ZDHHC9: variants seen among roughly 807,000 people sequenced by gnomAD.
ZDHHC9 encodes palmitoyltransferase ZDHHC9.
A neutral mutation model predicts 26.6 loss-of-function variants in ZDHHC9; 3 were observed. That is an observed-to-expected ratio of 0.11 (90% CI 0.05 to 0.29). The LOEUF (loss-of-function observed/expected upper bound fraction) is 0.29. Ranked by LOEUF, ZDHHC9 falls within the 10% of genes least tolerant of loss-of-function variation. The pLI is 1.00. For missense variants in ZDHHC9, 146 were observed against 296.4 expected, an observed-to-expected ratio of 0.49 and a Z score of 3.73; for synonymous variants, 111 against 109.4, an observed-to-expected ratio of 1.01 and a Z score of -0.09.
In ZDHHC9 at chrX:129,842,198, G is replaced by A. The variant is rs145247896; in HGVS notation, c.-135-118C>T. ...ACTGAAGGGGTGGGGACGGGGAAGT[G>A]GGAAAAGTTTATTTCCAATTCGTGT... On this transcript the variant is annotated intron_variant, in intron 2 of 10. Transcript: ENST00000357166. 542 of 407,765 alleles carry A rather than the reference G, an allele frequency of 1.3e-3. 3 individuals are homozygous for A. In the East Asian group the frequency reaches 0.02, roughly 15 times the overall value. The allele number at this position is 407,765 out of a possible 1,213,427, so 33.6% of individuals were successfully genotyped here. A position where few individuals can be genotyped will look rare whatever the true frequency, so the allele number is the denominator to read the frequency against.
At chrX:129,819,975 G>A (rs752662385) in intron 5 of ZDHHC9, among the ~76,000 whole-genome samples, 1 of 111,277 alleles carries the variant, frequency 9.0e-6, no homozygotes, top group African/African-American at 3.3e-5. Flanking sequence ...GGGATTACAG[G>A]AGTGAGCCAC....
chrX:129,808,684 T>C (rs1927571258), intron 10 of ZDHHC9, among the ~76,000 whole-genome samples: 1 of 111,379 alleles, frequency 9.0e-6, no homozygotes, highest in Non-Finnish European at 1.9e-5. Flanking sequence ...CACCAAAAAG[T>C]ACAAACAACA....
chrX:129,806,854 C>T (rs1312814646), intron 10 of ZDHHC9, among the ~76,000 whole-genome samples: 1 of 111,794 alleles, frequency 8.9e-6, no homozygotes, highest in African/African-American at 3.3e-5. Context: ...TGCCCGAACA[C>T]ACAGCTCATT....
intron 5 of ZDHHC9, among the ~76,000 whole-genome samples, chrX:129,816,331 G>T (rs1439355089): frequency 2.7e-5 from 3 of 110,978 alleles, no homozygotes; most frequent in African/African-American, 9.8e-5. Flanking sequence ...TGGTATTCAA[G>T]GGCAATCCCT....
chrX:129,817,102 T>C (rs891011701), intron 5 of ZDHHC9, among the ~76,000 whole-genome samples: 1 of 111,089 alleles, frequency 9.0e-6, no homozygotes, highest in Non-Finnish European at 1.9e-5. Context: ...CTCGAACTCC[T>C]GACCTCAGGT....
chrX:129,818,331 A>C (rs767047320), intron 5 of ZDHHC9, among the ~76,000 whole-genome samples: 1 of 111,766 alleles, frequency 8.9e-6, no homozygotes, highest in Non-Finnish European at 1.9e-5. Flanking sequence ...AGTCTGAGGT[A>C]TTTTGTTATG....
At chrX:129,820,429 A>G in intron 5 of ZDHHC9, among the ~76,000 whole-genome samples, 1 of 94,554 alleles carries the variant, frequency 1.1e-5, no homozygotes, top group Admixed American at 1.0e-4. Context: ...AAAATACAAA[A>G]AAAAAAAAAA....
chrX:129,841,352 C>G (rs1271722025), intron 3 of ZDHHC9, among the ~76,000 whole-genome samples: 2 of 112,107 alleles, frequency 1.8e-5, no homozygotes, highest in African/African-American at 6.5e-5. Context: ...ACTGTACCAG[C>G]TAGCTGAGAG....
chrX:129,811,561 A>G (rs752212653), intron 8 of ZDHHC9, 52 bp from the exon 9 acceptor site: 4 of 896,745 alleles, frequency 4.5e-6, no homozygotes, highest in Non-Finnish European at 6.3e-6. Context: ...AAATGAACAA[A>G]TAATAATAAT....
At chrX:129,828,349 G>A (rs1352572985) in intron 4 of ZDHHC9, among the ~76,000 whole-genome samples, 1 of 110,993 alleles carries the variant, frequency 9.0e-6, no homozygotes, top group Non-Finnish European at 1.9e-5. Flanking sequence ...CTGGCCAGGT[G>A]TGGTGGCTCA....
intron 10 of ZDHHC9, among the ~76,000 whole-genome samples, chrX:129,807,173 G>A (rs910649282): frequency 1.2e-4 from 13 of 112,497 alleles, no homozygotes; most frequent in East Asian, 5.5e-4. Context: ...CTGGCCGGGC[G>A]CGGTGGCTCA....
intron 10 of ZDHHC9, among the ~76,000 whole-genome samples, chrX:129,810,218 G>A (rs1392805299): frequency 5.8e-5 from 6 of 104,296 alleles, no homozygotes; most frequent in Non-Finnish European, 9.8e-5. Flanking sequence ...GCATGGTGGC[G>A]GGCGCCTGTA....
chrX:129,805,177 G>A lies in ZDHHC9; in HGVS notation c.*1193C>T, dbSNP rs1927483811. 1 of 112,708 alleles carries A rather than the reference G, an allele frequency of 8.9e-6. No individual in the cohort carries two copies. The highest frequency in any genetic ancestry group is 1.9e-5 in the Non-Finnish European group (1 of 53,261). 9.3% of individuals were successfully genotyped at this position (112,708 alleles called of 1,213,427 possible). On this transcript the variant is annotated 3_prime_UTR_variant, in exon 11 of 11. Transcript: ENST00000357166. ...GAAGTGGCTCTGGGACTCTGCCGGT[G>A]GAAGTGCTGGAAGAGCGGGGCTTGG...
intron 10 of ZDHHC9, among the ~76,000 whole-genome samples, chrX:129,809,040 T>C (rs921831589): frequency 2.7e-5 from 3 of 112,268 alleles, no homozygotes; most frequent in Admixed American, 1.9e-4. Flanking sequence ...TTCACTAAGA[T>C]GGCTAGACTC....
chrX:129,828,383 G>A (rs1196013923), intron 4 of ZDHHC9, among the ~76,000 whole-genome samples: 1 of 110,313 alleles, frequency 9.1e-6, no homozygotes. Context: ...AGCAATTTGG[G>A]AGATCAAGGC....
intron 5 of ZDHHC9, among the ~76,000 whole-genome samples, chrX:129,819,288 T>C (rs1388418198): frequency 1.8e-5 from 2 of 108,450 alleles, no homozygotes; most frequent in Non-Finnish European, 3.8e-5. Flanking sequence ...CTGAGGAAGC[T>C]ACATCTTTTC....
chrX:129,824,845 A>C (rs2124118812), intron 4 of ZDHHC9, among the ~76,000 whole-genome samples: 1 of 112,654 alleles, frequency 8.9e-6, no homozygotes, highest in East Asian at 2.8e-4. Flanking sequence ...TGAAAACAGG[A>C]AAATACAATA....
intron 3 of ZDHHC9, among the ~76,000 whole-genome samples, chrX:129,835,462 A>G (rs1928236626): frequency 9.3e-6 from 1 of 107,859 alleles, no homozygotes; most frequent in Non-Finnish European, 1.9e-5. Flanking sequence ...AAAAAAAAAA[A>G]AGAGGAAAAA....
intron 5 of ZDHHC9, among the ~76,000 whole-genome samples, chrX:129,821,438 G>A (rs776740533): frequency 9.3e-6 from 1 of 107,339 alleles, no homozygotes; most frequent in African/African-American, 3.4e-5. Flanking sequence ...GACTACAGGC[G>A]CCCACCACCA....
Sources: gnomAD v4.1 joint callset for allele counts (sites outside exome capture counted in the v4.1 genomes callset) on GRCh38, gnomAD v4.1.1 for gene constraint, MANE v1.5 for transcripts, NCBI Gene and HGNC (gene_info 2026-07-23, HGNC 2026-07-21) for gene names.